Variants in KIZ observed in about 807,000 individuals in gnomAD.
KIZ encodes the protein kizuna centrosomal protein.
A neutral mutation model predicts 79.6 loss-of-function variants in KIZ; 68 were observed. The observed-to-expected ratio is 0.85, with a 90% CI of 0.70 to 1.05. The LOEUF is 1.05. Ranked by LOEUF, KIZ falls within the 50% of genes least tolerant of loss-of-function variation. The pLI, the probability that KIZ is intolerant of heterozygous loss-of-function variation, is 0.00. For synonymous variants in KIZ, 280 were observed against 281.8 expected (o/e 0.99, Z 0.06); for missense variants, 797 against 800.4 (o/e 1.00, Z 0.05).
intron 1 of KIZ, among the ~76,000 whole-genome samples, chr20:21,131,136 T>C (rs769389522): frequency 8.5e-5 from 13 of 152,224 alleles, no homozygotes; most frequent in Non-Finnish European, 1.6e-4. Context: ...TCCCAGGCAC[T>C]CTTCTTGGGA....
intron 4 of KIZ, among the ~76,000 whole-genome samples, chr20:21,148,457 A>G (rs929759019): frequency 6.6e-6 from 1 of 152,186 alleles, no homozygotes; most frequent in Non-Finnish European, 1.5e-5. Flanking sequence ...TTCATCTGCC[A>G]TGCTTGTTTC....
At chr20:21,228,893 T>A (rs2036739210) in intron 9 of KIZ, 118 bp from the exon 10 acceptor site, 1 of 585,916 alleles carries the variant, frequency 1.7e-6, no homozygotes, top group Admixed American at 3.0e-5. Flanking sequence ...AAAGTGACAG[T>A]TCAAAAAATA....
chr20:21,184,161 T>G (rs113155951), intron 6 of KIZ, among the ~76,000 whole-genome samples: 2,208 of 151,878 alleles, frequency 0.015, 51 homozygotes, highest in African/African-American at 0.05. Flanking sequence ...TTTTTTTTTT[T>G]TTTGAGTCAG....
intron 1 of KIZ, among the ~76,000 whole-genome samples, chr20:21,130,088 A>G (rs948060559): frequency 6.6e-6 from 1 of 152,194 alleles, no homozygotes; most frequent in African/African-American, 2.4e-5. Flanking sequence ...TTCACCAGCT[A>G]TCTTAACGAT....
intron 9 of KIZ, among the ~76,000 whole-genome samples, chr20:21,227,766 C>G (rs887063898): frequency 1.3e-5 from 2 of 152,138 alleles, no homozygotes; most frequent in African/African-American, 4.8e-5. Flanking sequence ...CCAGCGACCC[C>G]CACACATACA....
chr20:21,212,543 C>T (rs1223112331), intron 7 of KIZ, among the ~76,000 whole-genome samples: 1 of 152,176 alleles, frequency 6.6e-6, no homozygotes, highest in Non-Finnish European at 1.5e-5. Flanking sequence ...CTATGATGTT[C>T]AGTAGGTTAG....
intron 6 of KIZ, chr20:21,166,076 C>T: frequency 1.6e-6 from 1 of 627,410 alleles, no homozygotes; most frequent in Non-Finnish European, 2.8e-6. Context: ...AAGCAATTCT[C>T]CTGCCTCAGC....
chr20:21,232,722 C>T lies in KIZ; in HGVS notation c.1784-12C>T, dbSNP rs150086620. On this transcript the variant is annotated splice_polypyrimidine_tract_variant and intron_variant, in intron 10 of 12. Transcript: ENST00000619189. ...AGCTAACCCTCACTCTCCATGTTTACGCTTATCACAGGTTTGAATATTGGC... is the reference window on the plus strand; with the variant it reads ...AGCTAACCCTCACTCTCCATGTTTATGCTTATCACAGGTTTGAATATTGGC... The T allele has an allele frequency of 1.5e-4, 219 of 1,441,066 alleles. 1 individual carries two copies. The East Asian group carries it at 4.1e-3, about 27-fold the overall frequency. The allele number at this position is 1,441,066 out of a possible 1,614,324, so 89.3% of individuals were successfully genotyped here.
chr20:21,167,329 G>C (rs1236312949), intron 6 of KIZ, among the ~76,000 whole-genome samples: 1 of 152,184 alleles, frequency 6.6e-6, no homozygotes, highest in Non-Finnish European at 1.5e-5. Flanking sequence ...CATGTTCAGG[G>C]TTCCTTGTGG....
At chr20:21,126,249 G>T in intron 1 of KIZ, 45 bp downstream of exon 1, 4 of 1,250,206 alleles carry the variant, frequency 3.2e-6, no homozygotes, top group Middle Eastern at 2.6e-4. Flanking sequence ...CGCGCCGGGG[G>T]TCTTCCGCGT....
intron 9 of KIZ, among the ~76,000 whole-genome samples, chr20:21,226,646 G>A (rs560392509): frequency 2.1e-4 from 32 of 152,334 alleles, no homozygotes; most frequent in African/African-American, 7.2e-4. Flanking sequence ...CTGCCTCAGT[G>A]AGTGTCATTC....
chr20:21,134,793 A>T (rs1459098918), intron 2 of KIZ, among the ~76,000 whole-genome samples: 1 of 150,488 alleles, frequency 6.6e-6, no homozygotes, highest in African/African-American at 2.5e-5. Flanking sequence ...CAGCCTCCTG[A>T]GTAGCTGGGA....
intron 10 of KIZ, among the ~76,000 whole-genome samples, chr20:21,229,415 C>T (rs2036765359): frequency 6.6e-6 from 1 of 152,234 alleles, no homozygotes; most frequent in African/African-American, 2.4e-5. Context: ...ACCCAAATTC[C>T]TTCTCTTCCC....
At chr20:21,142,669 C>G (rs1170391764) in intron 3 of KIZ, among the ~76,000 whole-genome samples, 1 of 151,888 alleles carries the variant, frequency 6.6e-6, no homozygotes, top group African/African-American at 2.4e-5. Flanking sequence ...GGCATGTGCT[C>G]TAGTCCCAGC....
chr20:21,199,467 G>C (rs1408118376), intron 6 of KIZ, among the ~76,000 whole-genome samples: 1 of 152,234 alleles, frequency 6.6e-6, no homozygotes, highest in Non-Finnish European at 1.5e-5. Context: ...TGTATACATT[G>C]TGACTGGGTA....
chr20:21,201,941 T>C (rs1463634020), intron 6 of KIZ, among the ~76,000 whole-genome samples: 2 of 152,258 alleles, frequency 1.3e-5, no homozygotes, highest in African/African-American at 4.8e-5. Flanking sequence ...TTTTGTGCTT[T>C]AAGGGTTGCC....
chr20:21,214,901 AAGTCTGT>A (rs2036224436), intron 8 of KIZ, among the ~76,000 whole-genome samples: 1 of 152,222 alleles, frequency 6.6e-6, no homozygotes, highest in Admixed American at 6.5e-5. Context: ...ATCTAACTGT[AAGTCTGT>A]AGTTCTAGTG....
intron 6 of KIZ, among the ~76,000 whole-genome samples, chr20:21,182,449 C>G (rs2034693482): frequency 6.6e-6 from 1 of 152,174 alleles, no homozygotes; most frequent in Non-Finnish European, 1.5e-5. Context: ...AAGCTAATTA[C>G]TGGCAAGGGT....
At chr20:21,208,021 C>T (rs985350701) in intron 7 of KIZ, among the ~76,000 whole-genome samples, 6 of 152,120 alleles carry the variant, frequency 3.9e-5, no homozygotes, top group African/African-American at 9.7e-5. Flanking sequence ...AGCCGATGAA[C>T]GTAGATCTTA....
Sources: gnomAD v4.1 joint callset for allele counts (sites outside exome capture counted in the v4.1 genomes callset) on GRCh38, gnomAD v4.1.1 for gene constraint, MANE v1.5 for transcripts, NCBI Gene and HGNC (gene_info 2026-07-23, HGNC 2026-07-21) for gene names.